The following SORCS1 variants were observed in gnomAD, a reference collection of about 807,000 sequenced individuals.
SORCS1 encodes VPS10 domain-containing receptor SorCS1.
SORCS1 carries 60 observed loss-of-function variants against 146.1 expected under a neutral mutation model. That is an observed-to-expected ratio of 0.41 (90% CI 0.33 to 0.51). The LOEUF (loss-of-function observed/expected upper bound fraction) is 0.51. Ranked by LOEUF, SORCS1 falls within the 20% of genes least tolerant of loss-of-function variation. The probability of loss-of-function intolerance (pLI) is 0.21; values close to 1 mark genes in which losing one functional copy is unlikely to be tolerated. For synonymous variants in SORCS1, 637 were observed against 584.0 expected, an observed-to-expected ratio of 1.09 and a Z score of -1.31; for missense variants, 1,352 against 1,487.6, an observed-to-expected ratio of 0.91 and a Z score of 1.50.
intron 3 of SORCS1, among the ~76,000 whole-genome samples, chr10:106,807,194 G>GAGGAAGGA (rs113386690): frequency 6.6e-6 from 1 of 151,962 alleles, no homozygotes. Context: ...AGGAAGGAAG[G>GAGGAAGGA]AGGAAGGAAG....
chr10:106,657,300 T>C (rs1203408598), intron 17 of SORCS1, among the ~76,000 whole-genome samples: 1 of 152,140 alleles, frequency 6.6e-6, no homozygotes, highest in Non-Finnish European at 1.5e-5. Flanking sequence ...ATAATGTCTT[T>C]TGCAGCAACT....
At chr10:106,995,754 GCAA>G (rs1424893211) in intron 1 of SORCS1, among the ~76,000 whole-genome samples, 1 of 151,948 alleles carries the variant, frequency 6.6e-6, no homozygotes, top group African/African-American at 2.4e-5. Context: ...GACAGTAGCA[GCAA>G]CAATAATAAT....
chr10:106,731,292 C>CAAA (rs57238882), intron 5 of SORCS1, among the ~76,000 whole-genome samples: 3 of 23,762 alleles, frequency 1.3e-4, no homozygotes, highest in Non-Finnish European at 2.7e-4. Flanking sequence ...GACTCCGTCT[C>CAAA]AAAAAAAAAA....
chr10:106,741,463 T>C (rs1261738087), intron 5 of SORCS1, among the ~76,000 whole-genome samples: 2 of 152,098 alleles, frequency 1.3e-5, no homozygotes, highest in African/African-American at 4.8e-5. Context: ...GCTGGCGTGG[T>C]GGCATGCACC....
At chr10:107,004,521 C>T (rs1957359939) in intron 1 of SORCS1, among the ~76,000 whole-genome samples, 1 of 152,072 alleles carries the variant, frequency 6.6e-6, no homozygotes, top group African/African-American at 2.4e-5. Context: ...GATCTCGAGA[C>T]TTATTCATAC....
intron 1 of SORCS1, among the ~76,000 whole-genome samples, chr10:107,147,477 T>G (rs1968426694): frequency 6.6e-6 from 1 of 152,190 alleles, no homozygotes; most frequent in East Asian, 1.9e-4. Context: ...TGATTTGATC[T>G]GAATCTACGC....
At chr10:106,702,676 T>C (rs74152229) in intron 8 of SORCS1, among the ~76,000 whole-genome samples, 3,836 of 152,334 alleles carry the variant, frequency 0.025, 145 homozygotes, top group African/African-American at 0.086. Context: ...ATGATATTGG[T>C]CTTAAATAGT....
At chr10:107,000,473 G>A (rs994397796) in intron 1 of SORCS1, among the ~76,000 whole-genome samples, 3 of 152,020 alleles carry the variant, frequency 2.0e-5, no homozygotes, top group African/African-American at 7.2e-5. Flanking sequence ...TGGGCGTGGT[G>A]GCACGCGCCT....
chr10:106,975,507 T>C (rs1224006922), intron 1 of SORCS1, among the ~76,000 whole-genome samples: 1 of 152,182 alleles, frequency 6.6e-6, no homozygotes, highest in Non-Finnish European at 1.5e-5. Context: ...AACAACTAAC[T>C]ATTGAAGGTT....
At chr10:106,846,028 C>A (rs1314648963) in intron 2 of SORCS1, among the ~76,000 whole-genome samples, 3 of 126,664 alleles carry the variant, frequency 2.4e-5, no homozygotes, top group African/African-American at 5.1e-5. Flanking sequence ...ATGCCTCCAG[C>A]TTTGTTCTTT....
At chr10:106,790,783 C>A (rs117012743) in intron 3 of SORCS1, among the ~76,000 whole-genome samples, 1 of 152,060 alleles carries the variant, frequency 6.6e-6, no homozygotes, top group Admixed American at 6.5e-5. Context: ...GCTACTTGTC[C>A]GATGTCTAGC....
At chr10:106,962,394 CAAAAAAA>C (rs60616146) in intron 1 of SORCS1, among the ~76,000 whole-genome samples, 4 of 62,580 alleles carry the variant, frequency 6.4e-5, no homozygotes, top group African/African-American at 1.3e-4. Flanking sequence ...AACTCCATCT[CAAAAAAA>C]AAAAAAAAAA....
At chr10:106,694,605 C>T (rs554087637) in intron 9 of SORCS1, among the ~76,000 whole-genome samples, 1 of 152,228 alleles carries the variant, frequency 6.6e-6, no homozygotes, top group East Asian at 1.9e-4. Context: ...ATTTTTCTTC[C>T]CTACCTCCTA....
At chr10:106,872,033 C>T (rs748782513) in intron 2 of SORCS1, among the ~76,000 whole-genome samples, 1 of 152,030 alleles carries the variant, frequency 6.6e-6, no homozygotes, top group Non-Finnish European at 1.5e-5. Flanking sequence ...AAATAAAATA[C>T]AAAATTGATG....
chr10:106,816,889 G>A (rs898118656), intron 3 of SORCS1, among the ~76,000 whole-genome samples: 1 of 152,180 alleles, frequency 6.6e-6, no homozygotes, highest in African/African-American at 2.4e-5. Context: ...AGGGGTAAAG[G>A]TCAGCTCTCT....
chr10:106,909,853 C>G (rs562848129), intron 2 of SORCS1, among the ~76,000 whole-genome samples: 1 of 152,236 alleles, frequency 6.6e-6, no homozygotes, highest in South Asian at 2.1e-4. Flanking sequence ...ACCTATCCAC[C>G]CAATATGATT....
At chr10:106,790,739 G>T (rs180897883) in intron 3 of SORCS1, among the ~76,000 whole-genome samples, 2 of 152,196 alleles carry the variant, frequency 1.3e-5, no homozygotes, top group Non-Finnish European at 2.9e-5. Context: ...TGAAGACAAA[G>T]AGTGCTCCTA....
At chr10:106,964,935 G>C (rs557816741) in intron 1 of SORCS1, among the ~76,000 whole-genome samples, 1 of 150,660 alleles carries the variant, frequency 6.6e-6, no homozygotes, top group African/African-American at 2.4e-5. Flanking sequence ...TTGAGTCCTG[G>C]TTTAGCCACC....
chr10:106,822,575 G>T (rs1360430816), intron 3 of SORCS1, among the ~76,000 whole-genome samples: 1 of 152,086 alleles, frequency 6.6e-6, no homozygotes, highest in Non-Finnish European at 1.5e-5. Context: ...TATTTTTAAT[G>T]TTCAGGAAGA....
Sources: gnomAD v4.1 joint callset for allele counts (sites outside exome capture counted in the v4.1 genomes callset) on GRCh38, gnomAD v4.1.1 for gene constraint, MANE v1.5 for transcripts, NCBI Gene and HGNC (gene_info 2026-07-23, HGNC 2026-07-21) for gene names.